Variants in GALNTL6 observed in about 807,000 individuals in gnomAD.
The protein encoded by GALNTL6 is polypeptide N-acetylgalactosaminyltransferase like 6, also known as polypeptide N-acetylgalactosaminyltransferase-like 6.
In GALNTL6, 46 loss-of-function variants were observed where a neutral mutation model predicts 73.7. The ratio of observed to expected loss-of-function variants is 0.62; its 90% confidence interval spans 0.49 to 0.80. GALNTL6 has a LOEUF of 0.80. GALNTL6 is among the 30% of genes least tolerant of loss of function. The pLI is 0.00. For missense variants in GALNTL6, 604 were observed against 755.0 expected, an observed-to-expected ratio of 0.80 and a Z score of 2.34; for synonymous variants, 259 against 263.7, an observed-to-expected ratio of 0.98 and a Z score of 0.17.
rs1194471397 is a variant in GALNTL6, at chr4:172,230,505, C to T, written c.247+741C>T. On this transcript the variant is annotated intron_variant, in intron 3 of 12. Transcript: ENST00000506823. Reference sequence around the variant, plus strand: ...AGGAGGCTGAGGCAGGAGAATGGCCCGGGGGGTGGAGCTTGCAGTGAGCCG... The same window carrying T: ...AGGAGGCTGAGGCAGGAGAATGGCCTGGGGGGTGGAGCTTGCAGTGAGCCG... Among the ~76,000 whole-genome samples, 5 of 149,760 alleles carry T rather than the reference C, an allele frequency of 3.3e-5. No homozygotes were observed. The East Asian group carries it at 5.9e-4, about 18-fold the overall frequency.
chr4:172,973,697 T>C (rs140769392), intron 10 of GALNTL6, among the ~76,000 whole-genome samples: 34 of 152,316 alleles, frequency 2.2e-4, no homozygotes, highest in African/African-American at 7.7e-4. Flanking sequence ...TACTGGATGA[T>C]AGTAAGTATT....
At chr4:172,333,596 C>T (rs1006660876) in intron 4 of GALNTL6, among the ~76,000 whole-genome samples, 1 of 152,064 alleles carries the variant, frequency 6.6e-6, no homozygotes, top group Non-Finnish European at 1.5e-5. Flanking sequence ...TTTAATTTAA[C>T]AGCCTCTTTT....
chr4:172,263,001 A>G (rs188807496), intron 3 of GALNTL6, among the ~76,000 whole-genome samples: 1 of 151,578 alleles, frequency 6.6e-6, no homozygotes, highest in Admixed American at 6.6e-5. Context: ...GTTAATCTAA[A>G]GGTTTTCTTG....
At chr4:172,408,586 C>A (rs1744318484) in intron 5 of GALNTL6, among the ~76,000 whole-genome samples, 1 of 151,466 alleles carries the variant, frequency 6.6e-6, no homozygotes, top group Non-Finnish European at 1.5e-5. Context: ...TTATGCCTTC[C>A]CTCTGCTGTT....
intron 10 of GALNTL6, among the ~76,000 whole-genome samples, chr4:172,962,642 C>A (rs1310792851): frequency 6.6e-6 from 1 of 152,062 alleles, no homozygotes; most frequent in Non-Finnish European, 1.5e-5. Flanking sequence ...ACACAAGATT[C>A]CTTTATGGGA....
intron 5 of GALNTL6, among the ~76,000 whole-genome samples, chr4:172,621,097 A>G (rs977439406): frequency 2.0e-5 from 3 of 152,240 alleles, no homozygotes; most frequent in Non-Finnish European, 4.4e-5. Flanking sequence ...AAATATCATT[A>G]TGAAGGCATA....
chr4:172,255,709 T>A (rs1738051309), intron 3 of GALNTL6, among the ~76,000 whole-genome samples: 1 of 151,492 alleles, frequency 6.6e-6, no homozygotes, highest in Non-Finnish European at 1.5e-5. Context: ...TCAATCTGAA[T>A]AATCATGGGA....
intron 2 of GALNTL6, among the ~76,000 whole-genome samples, chr4:172,095,582 T>C (rs998709066): frequency 6.6e-5 from 10 of 152,294 alleles, no homozygotes; most frequent in East Asian, 1.9e-4. Flanking sequence ...TCCTGTATTG[T>C]GAGAGATTAA....
At chr4:171,867,989 CTTT>C (rs35316583) in intron 2 of GALNTL6, among the ~76,000 whole-genome samples, 1 of 136,732 alleles carries the variant, frequency 7.3e-6, no homozygotes, top group African/African-American at 2.7e-5. Context: ...TTTTGAGGTG[CTTT>C]TTTTTTTTTT....
intron 2 of GALNTL6, among the ~76,000 whole-genome samples, chr4:171,835,218 A>G (rs1735068942): frequency 6.6e-6 from 1 of 152,016 alleles, no homozygotes; most frequent in Admixed American, 6.6e-5. Context: ...TTAATATTCT[A>G]CTTTGAAAAA....
intron 2 of GALNTL6, among the ~76,000 whole-genome samples, chr4:171,990,097 T>C (rs991904504): frequency 1.3e-5 from 2 of 152,130 alleles, no homozygotes; most frequent in East Asian, 1.9e-4. Flanking sequence ...GGGACCTAGC[T>C]CGGCCTGCTG....
chr4:172,653,598 G>T (rs552043409), intron 5 of GALNTL6, among the ~76,000 whole-genome samples: 1 of 151,334 alleles, frequency 6.6e-6, no homozygotes, highest in Non-Finnish European at 1.5e-5. Context: ...CTCTATATCC[G>T]AAGAAAGAGG....
At chr4:172,421,998 A>T (rs964670024) in intron 5 of GALNTL6, among the ~76,000 whole-genome samples, 2 of 152,106 alleles carry the variant, frequency 1.3e-5, no homozygotes, top group African/African-American at 4.8e-5. Flanking sequence ...CACTTCTTCC[A>T]TTGCTGTCTA....
At chr4:172,495,516 T>G (rs1232995630) in intron 5 of GALNTL6, among the ~76,000 whole-genome samples, 2 of 152,172 alleles carry the variant, frequency 1.3e-5, no homozygotes, top group Non-Finnish European at 2.9e-5. Context: ...TTTTGGCCCT[T>G]GAAACCTTAG....
chr4:172,736,310 T>C (rs1185692386), intron 5 of GALNTL6, among the ~76,000 whole-genome samples: 2 of 152,210 alleles, frequency 1.3e-5, no homozygotes, highest in African/African-American at 2.4e-5. Context: ...GAGAATACAA[T>C]ATTTTCCCAG....
At chr4:171,905,334 G>T (rs1442699276) in intron 2 of GALNTL6, among the ~76,000 whole-genome samples, 12 of 151,968 alleles carry the variant, frequency 7.9e-5, no homozygotes, top group Non-Finnish European at 1.2e-4. Flanking sequence ...AAAAAGGCAG[G>T]GGTTGCAATC....
chr4:171,969,471 G>A (rs1001821764), intron 2 of GALNTL6, among the ~76,000 whole-genome samples: 2 of 152,202 alleles, frequency 1.3e-5, no homozygotes, highest in African/African-American at 4.8e-5. Flanking sequence ...AGTTGTAGGT[G>A]TCCTTCATAA....
At chr4:171,925,743 T>C (rs778708907) in intron 2 of GALNTL6, among the ~76,000 whole-genome samples, 15 of 152,268 alleles carry the variant, frequency 9.9e-5, no homozygotes, top group Non-Finnish European at 1.8e-4. Context: ...AAAAAATTAA[T>C]GTGAAAGAAG....
chr4:172,059,126 G>C (rs1731115921), intron 2 of GALNTL6, among the ~76,000 whole-genome samples: 1 of 152,190 alleles, frequency 6.6e-6, no homozygotes, highest in Admixed American at 6.5e-5. Context: ...GCCTAGAGGA[G>C]AGATCATCTC....
Sources: gnomAD v4.1 joint callset for allele counts (sites outside exome capture counted in the v4.1 genomes callset) on GRCh38, gnomAD v4.1.1 for gene constraint, MANE v1.5 for transcripts, NCBI Gene and HGNC (gene_info 2026-07-23, HGNC 2026-07-21) for gene names.